Variants in THNSL1 observed in about 807,000 individuals in gnomAD.
THNSL1 encodes the protein threonine synthase-like 1.
Under a neutral mutation model 50.4 loss-of-function variants are expected in THNSL1, and 48 were observed. The observed-to-expected ratio is 0.95, with a 90% CI of 0.76 to 1.21. THNSL1 has a LOEUF of 1.21. THNSL1 is among the 50% of genes most tolerant of loss of function. THNSL1 has a pLI of 0.00. For synonymous variants in THNSL1, 309 were observed against 306.1 expected (o/e 1.01, Z -0.10); for missense variants, 896 against 871.7 (o/e 1.03, Z -0.35).
the THNSL1 span, among the ~76,000 whole-genome samples, chr10:24,957,010 T>C: frequency 1.3e-5 from 2 of 152,088 alleles, no homozygotes; most frequent in Non-Finnish European, 2.9e-5. Flanking sequence ...CCATCCCCCC[T>C]CAAAATCCGT....
rs146872415 is a variant in THNSL1 at position 25,024,874 on chromosome 10, C to T, written c.1651C>T (p.Leu551=). 4 of 1,613,846 alleles carry T rather than the reference C, an allele frequency of 2.5e-6. No individual in the cohort carries two copies. Among genetic ancestry groups the T allele is most frequent in the African/African-American group, 1.3e-5 (1 of 74,924 alleles). Residue 551 remains leucine (L), a synonymous_variant, in exon 3 of 3, where the codon CTA becomes TTA. Coordinates refer to ENST00000376356, the MANE Select transcript of THNSL1 (RefSeq NM_024838.5). ...TTTTATAAAAACAGGACATTATGAT[C>T]TAAGGGAAAGAAAACTAGCACAAAC... ...TDFIKTGHYD[L]RERKLAQTFS...
chr10:24,973,104 C>T, the THNSL1 span, among the ~76,000 whole-genome samples: 1 of 152,260 alleles, frequency 6.6e-6, no homozygotes, highest in Non-Finnish European at 1.5e-5. Context: ...GCAACCTCTG[C>T]ATACAATTTC....
chr10:25,026,188 G>T lies in THNSL1; in HGVS notation c.*733G>T. On this transcript the variant is annotated 3_prime_UTR_variant, in exon 3 of 3. Transcript: ENST00000376356. Reference sequence around the variant, plus strand: ...GCCTCTGCACCTGGCTAGGGCCAGTGTTTTTAACCCTCCTCAAATTCCATT... The same window carrying T: ...GCCTCTGCACCTGGCTAGGGCCAGTTTTTTTAACCCTCCTCAAATTCCATT... The T allele has an allele frequency of 6.0e-6, 1 of 166,272 alleles. No individual in the cohort carries two copies. The allele number at this position is 166,272 out of a possible 1,614,324, so 10.3% of individuals were successfully genotyped here.
the THNSL1 span, chr10:24,984,465 A>G: frequency 5.0e-6 from 7 of 1,396,652 alleles, no homozygotes; most frequent in South Asian, 9.2e-5. Flanking sequence ...AAACAAGTAC[A>G]TAATAATAAT....
At chr10:24,967,151 T>C in the THNSL1 span, among the ~76,000 whole-genome samples, 1 of 151,956 alleles carries the variant, frequency 6.6e-6, no homozygotes, top group Non-Finnish European at 1.5e-5. Context: ...AGCTCCTGAG[T>C]CTTCTTTTTC....
At chr10:24,952,460 A>G in the THNSL1 span, 1 of 1,499,130 alleles carries the variant, frequency 6.7e-7, no homozygotes, top group South Asian at 1.2e-5. The surrounding 1 kb of genome is among the most constrained non-coding windows in gnomAD (Gnocchi z 5.1). Context: ...CAAGCATTTA[A>G]TCTACAAGCA....
At chr10:24,998,300 T>C in the THNSL1 span, among the ~76,000 whole-genome samples, 1 of 151,476 alleles carries the variant, frequency 6.6e-6, no homozygotes, top group African/African-American at 2.4e-5. Context: ...TTTCTTCTCT[T>C]CTCTTCTCCT....
At chr10:24,958,193 T>A in the THNSL1 span, among the ~76,000 whole-genome samples, 2 of 149,304 alleles carry the variant, frequency 1.3e-5, no homozygotes, top group Non-Finnish European at 1.5e-5. Context: ...GAAAGTAAAT[T>A]AAAAAAAAAA....
chr10:25,001,571 T>A, the THNSL1 span, among the ~76,000 whole-genome samples: 24 of 152,176 alleles, frequency 1.6e-4, no homozygotes, highest in African/African-American at 5.5e-4. Flanking sequence ...ATTTTTTCTC[T>A]GTATTTCATT....
At chr10:24,971,857 G>A in the THNSL1 span, among the ~76,000 whole-genome samples, 1 of 152,160 alleles carries the variant, frequency 6.6e-6, no homozygotes, top group Admixed American at 6.6e-5. Context: ...ACTGAGTTTT[G>A]TCTATTGTTG....
chr10:24,972,440 G>A, the THNSL1 span, among the ~76,000 whole-genome samples: 3 of 152,022 alleles, frequency 2.0e-5, no homozygotes, highest in East Asian at 1.9e-4. Flanking sequence ...CCCGGAAGGT[G>A]GAGGTTGTGG....
chr10:24,984,823 C>G, the THNSL1 span: 1 of 1,613,578 alleles, frequency 6.2e-7, no homozygotes, highest in South Asian at 1.1e-5. Context: ...CCTCTGCTTG[C>G]GGATCTTCTT....
chr10:24,980,554 C>T, the THNSL1 span, among the ~76,000 whole-genome samples: 1 of 152,062 alleles, frequency 6.6e-6, no homozygotes, highest in African/African-American at 2.4e-5. Context: ...GTTTTGTTCA[C>T]TATTATATGC....
At position 25,024,816 on chromosome 10, in the gene THNSL1, C is replaced by T; in HGVS notation, c.1593C>T (p.Ile531=). ...KMMGIPIRKF[I]CASNQNHVLT... is the part of the protein sequence containing the mutation. Reference sequence around the variant, plus strand: ...TGGGAATCCCGATTCGAAAATTTATCTGTGCCTCTAATCAGAACCATGTTT... The same window carrying T: ...TGGGAATCCCGATTCGAAAATTTATTTGTGCCTCTAATCAGAACCATGTTT... Residue 531 remains isoleucine (I), a synonymous_variant, in exon 3 of 3, where the codon ATC becomes ATT. Transcript: ENST00000376356. 6.2e-7 allele frequency: 1 copy of T among 1,614,188 alleles called. No individual in the cohort carries two copies. The highest frequency in any genetic ancestry group is 8.5e-7 in the Non-Finnish European group (1 of 1,180,040).
At chr10:24,999,324 A>G in the THNSL1 span, 2 of 1,398,064 alleles carry the variant, frequency 1.4e-6, no homozygotes, top group Non-Finnish European at 9.8e-7. Flanking sequence ...CATGTTTAAT[A>G]TTCATCAACA....
chr10:25,023,388 CA>C lies in THNSL1; in HGVS notation c.170del (p.Asn57IlefsTer4). 6.2e-7 allele frequency: 1 copy of C among 1,614,070 alleles called. No homozygotes were observed. The highest frequency in any genetic ancestry group is 1.3e-5 in the African/African-American group (1 of 75,024). ...WYSTHSLVGD[K>X]NIILMGPPGA... is the part of the protein sequence containing the mutation. ...ATTCAACCCACTCTCTTGTTGGAGACAAAAATATTATCCTGATGGGACCTCC... is the reference window on the plus strand; with the variant it reads ...ATTCAACCCACTCTCTTGTTGGAGACAAAATATTATCCTGATGGGACCTCC... On this transcript the variant is annotated frameshift_variant, in exon 3 of 3. Coordinates refer to ENST00000376356, the MANE Select transcript of THNSL1 (RefSeq NM_024838.5). LOFTEE classifies it high-confidence loss of function.
At chr10:24,984,526 T>C in the THNSL1 span, 2 of 1,184,460 alleles carry the variant, frequency 1.7e-6, no homozygotes, top group Non-Finnish European at 2.3e-6. Context: ...ATAGTTTATA[T>C]GTGGAAAACG....
the THNSL1 span, among the ~76,000 whole-genome samples, chr10:24,988,527 C>T: frequency 5.1e-3 from 753 of 146,862 alleles, 6 homozygotes; most frequent in African/African-American, 0.018. Context: ...AGAGGAACTA[C>T]GGATCTATGT....
the THNSL1 span, among the ~76,000 whole-genome samples, chr10:24,972,522 A>AATAATAAT: frequency 1.2e-3 from 173 of 150,150 alleles, 1 homozygote; most frequent in African/African-American, 3.6e-3. Flanking sequence ...AAAAAAAAAT[A>AATAATAAT]AATAATAATA....
Sources: allele counts gnomAD v4.1 joint callset (sites outside exome capture counted in the v4.1 genomes callset), GRCh38; gene constraint gnomAD v4.1.1; non-coding constraint Gnocchi (gnomAD v3.1); transcripts MANE v1.5; gene names NCBI Gene and HGNC (gene_info 2026-07-23, HGNC 2026-07-21).